The following BMAL1 variants were observed in gnomAD, a reference collection of about 807,000 sequenced individuals.
BMAL1 encodes the protein basic helix-loop-helix ARNT-like protein 1.
the BMAL1 span, among the ~76,000 whole-genome samples, chr11:13,318,674 T>C: frequency 6.6e-6 from 1 of 151,470 alleles, no homozygotes; most frequent in African/African-American, 2.4e-5. Context: ...CTGGAGTCTT[T>C]CCTCAGATGA....
chr11:13,356,638 T>C, the BMAL1 span: 79 of 1,391,342 alleles, frequency 5.7e-5, no homozygotes, highest in African/African-American at 9.4e-4. Context: ...AACTTTATGA[T>C]TGTTTGGTTT....
chr11:13,327,670 C>T, the BMAL1 span, among the ~76,000 whole-genome samples: 8 of 152,226 alleles, frequency 5.3e-5, no homozygotes, highest in African/African-American at 9.6e-5. Context: ...TGATTGTTAC[C>T]ATCATCGTGT....
At chr11:13,340,263 A>G in the BMAL1 span, among the ~76,000 whole-genome samples, 6 of 152,024 alleles carry the variant, frequency 3.9e-5, no homozygotes, top group South Asian at 2.1e-4. Flanking sequence ...TGATGCTACT[A>G]TGTCACCCCA....
At chr11:13,381,036 C>A in the BMAL1 span, 1 of 845,370 alleles carries the variant, frequency 1.2e-6, no homozygotes, top group South Asian at 1.6e-5. Flanking sequence ...CTATCTGGCC[C>A]CTTACAGAAA....
chr11:13,367,961 A>G, the BMAL1 span, among the ~76,000 whole-genome samples: 8 of 152,242 alleles, frequency 5.3e-5, no homozygotes, highest in African/African-American at 1.7e-4. Context: ...CTTGCTCCCA[A>G]GCTGTCCACG....
the BMAL1 span, among the ~76,000 whole-genome samples, chr11:13,289,818 T>C: frequency 6.6e-6 from 1 of 152,242 alleles, no homozygotes; most frequent in South Asian, 2.1e-4. Flanking sequence ...GTCTTTGCTA[T>C]TGTGAATAGT....
the BMAL1 span, among the ~76,000 whole-genome samples, chr11:13,330,467 A>T: frequency 6.6e-6 from 1 of 152,280 alleles, no homozygotes; most frequent in Non-Finnish European, 1.5e-5. Flanking sequence ...GTTAAAAAAT[A>T]CATCATTGCA....
the BMAL1 span, among the ~76,000 whole-genome samples, chr11:13,341,414 C>G: frequency 3.9e-5 from 6 of 152,320 alleles, no homozygotes; most frequent in East Asian, 1.2e-3. Context: ...CCATTCCCCC[C>G]ACATTCTCAA....
chr11:13,361,310 T>TGA, the BMAL1 span, among the ~76,000 whole-genome samples: 2 of 152,054 alleles, frequency 1.3e-5, no homozygotes, highest in Non-Finnish European at 2.9e-5. Context: ...CTAGGTAAAG[T>TGA]GAGATTAACT....
At chr11:13,306,335 G>A in the BMAL1 span, among the ~76,000 whole-genome samples, 1 of 152,138 alleles carries the variant, frequency 6.6e-6, no homozygotes, top group Non-Finnish European at 1.5e-5. Flanking sequence ...TGAGGTCCTG[G>A]CCGTGACAGT....
chr11:13,387,187 C>G, the BMAL1 span: 5 of 154,076 alleles, frequency 3.2e-5, no homozygotes, highest in African/African-American at 1.2e-4. Context: ...TTGTAAGAAT[C>G]CTTTACTATA....
At chr11:13,367,673 C>T in the BMAL1 span, among the ~76,000 whole-genome samples, 5 of 148,376 alleles carry the variant, frequency 3.4e-5, no homozygotes, top group Non-Finnish European at 5.9e-5. Context: ...TGACTGCACT[C>T]CAGCCTGGGT....
the BMAL1 span, among the ~76,000 whole-genome samples, chr11:13,350,469 A>G: frequency 6.6e-6 from 1 of 152,242 alleles, no homozygotes; most frequent in African/African-American, 2.4e-5. Context: ...AATAAAGAGC[A>G]GTAGGAGAGT....
At chr11:13,346,521 T>C in the BMAL1 span, among the ~76,000 whole-genome samples, 2 of 152,178 alleles carry the variant, frequency 1.3e-5, no homozygotes, top group African/African-American at 4.8e-5. Context: ...GGACGCCTTC[T>C]AGTGGTTGAT....
At chr11:13,284,208 ATGTG>A in the BMAL1 span, among the ~76,000 whole-genome samples, 1,853 of 43,578 alleles carry the variant, frequency 0.043, 253 homozygotes, top group East Asian at 0.11. Flanking sequence ...GTATATATAT[ATGTG>A]TATATATATA....
At chr11:13,297,033 G>A in the BMAL1 span, among the ~76,000 whole-genome samples, 1 of 152,348 alleles carries the variant, frequency 6.6e-6, no homozygotes, top group South Asian at 2.1e-4. Flanking sequence ...CAGCCCAGGT[G>A]TCTCTGCAGC....
chr11:13,287,494 T>C, the BMAL1 span, among the ~76,000 whole-genome samples: 1 of 152,218 alleles, frequency 6.6e-6, no homozygotes, highest in African/African-American at 2.4e-5. Flanking sequence ...CCCCTAGCAA[T>C]GAAAACAGTG....
At chr11:13,342,648 T>TC in the BMAL1 span, among the ~76,000 whole-genome samples, 9 of 151,090 alleles carry the variant, frequency 6.0e-5, no homozygotes, top group Admixed American at 3.9e-4. Context: ...CCTGATTTTT[T>TC]CCCCCGAATA....
the BMAL1 span, among the ~76,000 whole-genome samples, chr11:13,309,025 T>C: frequency 1.3e-5 from 2 of 152,174 alleles, no homozygotes; most frequent in Non-Finnish European, 2.9e-5. Flanking sequence ...AGAATATGAA[T>C]GTACTTAATA....
Sources: gnomAD v4.1 joint callset for allele counts (sites outside exome capture counted in the v4.1 genomes callset) on GRCh38, gnomAD v4.1.1 for gene constraint, MANE v1.5 for transcripts, NCBI Gene and HGNC (gene_info 2026-07-23, HGNC 2026-07-21) for gene names.